GALNT15: variants seen among roughly 807,000 people sequenced by gnomAD.
GALNT15 encodes the protein UDP-GalNAc transferase T15.
GALNT15 carries 67 observed loss-of-function variants against 66.8 expected under a neutral mutation model. The ratio of observed to expected loss-of-function variants is 1.00; its 90% confidence interval spans 0.82 to 1.23. The LOEUF (loss-of-function observed/expected upper bound fraction) is 1.23. Among genes scored for constraint, GALNT15 ranks in the 50% most tolerant of loss-of-function variants. The pLI is 0.00. For synonymous variants in GALNT15, 313 were observed against 311.5 expected (o/e 1.00, Z -0.05); for missense variants, 827 against 804.3 (o/e 1.03, Z -0.34).
the GALNT15 span, among the ~76,000 whole-genome samples, chr3:16,245,956 G>C: frequency 6.6e-6 from 1 of 152,330 alleles, no homozygotes; most frequent in Non-Finnish European, 1.5e-5. Context: ...TTGAATGAAT[G>C]AACAGTAGAA....
Position 16,204,099 on chromosome 3 carries a change from G to C in GALNT15, c.911+3276G>C, listed in dbSNP as rs749917367. The stretch of plus-strand genomic sequence containing the variant: ...GAGTGGTGAGTGAACAGTGCAGTAA[G>C]CCACAAATCAGCTCTTTCAAAGAGC... On this transcript the variant is annotated intron_variant, in intron 3 of 9. Transcript: ENST00000339732. This position sits in a 1 kb window ranked among gnomAD's most constrained non-coding sequence, Gnocchi z 4.5. Among the ~76,000 whole-genome samples the C allele has an allele frequency of 7.9e-5, 12 of 151,794 alleles. No homozygotes were observed. The highest frequency in any genetic ancestry group is 1.2e-4 in the Non-Finnish European group (8 of 67,972).
the GALNT15 span, among the ~76,000 whole-genome samples, chr3:16,238,451 A>G: frequency 3.3e-5 from 5 of 151,236 alleles, no homozygotes; most frequent in Non-Finnish European, 7.4e-5. The surrounding 1 kb of genome is among the most constrained non-coding windows in gnomAD (Gnocchi z 4.8). Flanking sequence ...TACAATATTA[A>G]CAACATTAAT....
At position 16,219,021 on chromosome 3, in the gene GALNT15, G is replaced by A. The variant is rs2063911289; in HGVS notation, c.1393-382G>A. On this transcript the variant is annotated intron_variant, in intron 6 of 9. Coordinates refer to ENST00000339732, the MANE Select transcript of GALNT15 (RefSeq NM_054110.5). This position sits in a 1 kb window ranked among gnomAD's most constrained non-coding sequence, Gnocchi z 4.3. ...AGTAGAGATGGGGTTTCACCATGTT[G>A]GCCAGGCTGGTCTTGAACTCCTGAC... is the stretch of plus-strand genomic sequence containing the variant. 6.6e-6 allele frequency among the ~76,000 whole-genome samples: 1 copy of A among 151,902 alleles called. No individual in the cohort carries two copies. The highest frequency in any genetic ancestry group is 6.6e-5 in the Admixed American group (1 of 15,254).
intron 3 of GALNT15, among the ~76,000 whole-genome samples, chr3:16,206,557 C>T (rs1395258197): frequency 6.7e-6 from 1 of 150,260 alleles, no homozygotes; most frequent in African/African-American, 2.4e-5. Context: ...CCTGTAGTCC[C>T]AGCTACTTGG....
rs1045597719 is a variant in GALNT15 at position 16,203,537 on chromosome 3, T to A, written c.911+2714T>A. Among the ~76,000 whole-genome samples, 155 of 84,010 alleles carry A rather than the reference T, an allele frequency of 1.8e-3. No homozygotes were observed. Among genetic ancestry groups the A allele is most frequent in the African/African-American group, 6.2e-3 (148 of 23,982 alleles). The allele number at this position is 84,010 out of a possible 152,430, so 55.1% of individuals were successfully genotyped here. On this transcript the variant is annotated intron_variant, in intron 3 of 9. Coordinates refer to ENST00000339732, the MANE Select transcript of GALNT15 (RefSeq NM_054110.5). This position sits in a 1 kb window ranked among gnomAD's most constrained non-coding sequence, Gnocchi z 6.2. The stretch of plus-strand genomic sequence containing the variant: ...GTCACTCATTCTCTCTCTCTCTCTC[T>A]CTCTCTCACACACACACACACACAC...
rs955461275 is a variant in GALNT15 at position 16,186,187 on chromosome 3, A to G, written c.540-9573A>G. 2.6e-5 allele frequency among the ~76,000 whole-genome samples: 4 copies of G among 152,262 alleles called. No homozygotes were observed. Among genetic ancestry groups the G allele is most frequent in the African/African-American group, 9.6e-5 (4 of 41,474 alleles). ...AAGACATAAAAATGGTCAATAGCAC[A>G]CGAAAAGATGTTCAAATCATTAGTC... On this transcript the variant is annotated intron_variant, in intron 1 of 9. Transcript: ENST00000339732. This position sits in a 1 kb window ranked among gnomAD's most constrained non-coding sequence, Gnocchi z 5.1.
At chr3:16,223,783 C>T (rs1043727310) in intron 9 of GALNT15, among the ~76,000 whole-genome samples, 1 of 151,382 alleles carries the variant, frequency 6.6e-6, no homozygotes, top group East Asian at 2.0e-4. Flanking sequence ...GCCTCTGCCT[C>T]CCAGGTTCAA....
chr3:16,236,357 T>C (rs1279595500), downstream of GALNT15, among the ~76,000 whole-genome samples: 1 of 152,204 alleles, frequency 6.6e-6, no homozygotes, highest in East Asian at 1.9e-4. Flanking sequence ...CTGTTAACTC[T>C]GTTAACTACT....
chr3:16,231,350 A>G (rs2064080186), downstream of GALNT15, among the ~76,000 whole-genome samples: 1 of 152,136 alleles, frequency 6.6e-6, no homozygotes, highest in African/African-American at 2.4e-5. The surrounding 1 kb of genome is among the most constrained non-coding windows in gnomAD (Gnocchi z 4.1). Context: ...TCCAATCTCA[A>G]ATCTTCTTTC....
rs984180897 is a variant in GALNT15, at chr3:16,228,375, T to A, written c.*875T>A. 1 of 981,422 alleles carries A rather than the reference T, an allele frequency of 1.0e-6. No individual in the cohort carries two copies. Among genetic ancestry groups the A allele is most frequent in the Non-Finnish European group, 1.2e-6 (1 of 826,114 alleles). 60.8% of individuals were successfully genotyped at this position (981,422 alleles called of 1,614,324 possible). A position where few individuals can be genotyped will look rare whatever the true frequency, so the allele number is the denominator to read the frequency against. On this transcript the variant is annotated 3_prime_UTR_variant, in exon 10 of 10. Coordinates refer to ENST00000339732, the MANE Select transcript of GALNT15 (RefSeq NM_054110.5). The stretch of plus-strand genomic sequence containing the variant: ...AAACTCTCCTGCCGGGCGCGGTGGC[T>A]CATGCCTGTAATTCCAGCACTTTGG...
At chr3:16,237,542 T>A in the GALNT15 span, among the ~76,000 whole-genome samples, 1 of 152,198 alleles carries the variant, frequency 6.6e-6, no homozygotes, top group Non-Finnish European at 1.5e-5. The surrounding 1 kb of genome is among the most constrained non-coding windows in gnomAD (Gnocchi z 4.2). Flanking sequence ...CCAGCTATTA[T>A]CGTCTAGTGA....
At position 16,175,354 on chromosome 3, in the gene GALNT15, T is replaced by G. The variant is rs36026882; in HGVS notation, c.203T>G (p.Val68Gly). The change falls in exon 1 of 10, where the codon GTA becomes GGA. Residue 68 changes from valine (V) to glycine (G), a missense_variant. Val to Gly is a moderately radical substitution (Grantham distance 109, BLOSUM62 -3). Coordinates refer to ENST00000339732, the MANE Select transcript of GALNT15 (RefSeq NM_054110.5). The surrounding 1 kb of genome is among the most constrained non-coding windows in gnomAD (Gnocchi z 5.6). ...RLDFGESQDW[V>G]LEAEDEGEEY... ...GACTTTGGGGAATCCCAGGATTGGG[T>G]ACTGGAAGCTGAGGATGAGGGTGAA... The G allele has an allele frequency of 1.6e-3, 2,637 of 1,614,064 alleles. 39 individuals are homozygous for G. The African/African-American group carries it at 0.029, about 18-fold the overall frequency.
intron 9 of GALNT15, among the ~76,000 whole-genome samples, chr3:16,223,215 CA>C (rs2063966833): frequency 1.3e-5 from 2 of 151,982 alleles, no homozygotes; most frequent in African/African-American, 2.4e-5. Context: ...ATGCAAATTG[CA>C]CTGTAAGTAT....
rs2063386752 is a variant in GALNT15, at chr3:16,174,748, AC to A, written c.-401del. 1 of 194,650 alleles carries A rather than the reference AC, an allele frequency of 5.1e-6. No individual in the cohort carries two copies. Among genetic ancestry groups the A allele is most frequent in the East Asian group, 1.2e-4 (1 of 8,414 alleles). The allele number at this position is 194,650 out of a possible 1,614,324, so 12.1% of individuals were successfully genotyped here. A position where few individuals can be genotyped will look rare whatever the true frequency, so the allele number is the denominator to read the frequency against. ...GGCTGTCAGCCCTGCTTGACTGAGAACCCACCAGCTCATCCCAGACACCTCA... is the reference window on the plus strand; with the variant it reads ...GGCTGTCAGCCCTGCTTGACTGAGAACCACCAGCTCATCCCAGACACCTCA... On this transcript the variant is annotated 5_prime_UTR_variant, in exon 1 of 10. Transcript: ENST00000339732. The surrounding 1 kb of genome is among the most constrained non-coding windows in gnomAD (Gnocchi z 4.7).
At chr3:16,222,539 G>C in intron 8 of GALNT15, 76 bp from the exon 9 acceptor site, 2 of 1,573,342 alleles carry the variant, frequency 1.3e-6, no homozygotes, top group South Asian at 1.1e-5. Flanking sequence ...CTCTATAGTG[G>C]GTTCTTCTTA....
chr3:16,178,583 G>C (rs2063437261), intron 1 of GALNT15, among the ~76,000 whole-genome samples: 2 of 152,148 alleles, frequency 1.3e-5, no homozygotes, highest in Admixed American at 1.3e-4. Flanking sequence ...CCCCTCTCCA[G>C]TCTGCGGTTC....
In GALNT15 at chr3:16,200,953, G is replaced by T; in HGVS notation, c.911+130G>T. 1 of 658,916 alleles carries T rather than the reference G, an allele frequency of 1.5e-6. No individual in the cohort carries two copies. Among genetic ancestry groups the T allele is most frequent in the Non-Finnish European group, 2.4e-6 (1 of 420,256 alleles). The allele number at this position is 658,916 out of a possible 1,614,324, so 40.8% of individuals were successfully genotyped here. The stretch of plus-strand genomic sequence containing the variant: ...ATTAGAGAGTGATATATTCCCTTCG[G>T]GTTTTCAGATGTGTAAGTTTTTTAA... On this transcript the variant is annotated intron_variant, in intron 3 of 9. Coordinates refer to ENST00000339732, the MANE Select transcript of GALNT15 (RefSeq NM_054110.5). This position sits in a 1 kb window ranked among gnomAD's most constrained non-coding sequence, Gnocchi z 4.4.
chr3:16,195,817 C>T lies in GALNT15; in HGVS notation c.597C>T (p.Phe199=), dbSNP rs2063627185. The change falls in exon 2 of 10, where the codon TTC becomes TTT. Residue 199 remains phenylalanine, a synonymous_variant. Transcript: ENST00000339732. This position sits in a 1 kb window ranked among gnomAD's most constrained non-coding sequence, Gnocchi z 4.6. ...CCACAGCCAGCGTCATCCTCTGTTTCCATGATGAGGCCTGGTCCACTCTCC... is the reference window on the plus strand; with the variant it reads ...CCACAGCCAGCGTCATCCTCTGTTTTCATGATGAGGCCTGGTCCACTCTCC... ...SLPTASVILC[F]HDEAWSTLLR... is the part of the protein sequence containing the mutation. 6.2e-7 allele frequency: 1 copy of T among 1,613,896 alleles called. No homozygotes were observed. The highest frequency in any genetic ancestry group is 1.3e-5 in the African/African-American group (1 of 74,910).
the GALNT15 span, among the ~76,000 whole-genome samples, chr3:16,237,409 C>G: frequency 6.6e-6 from 1 of 152,236 alleles, no homozygotes. This position sits in a 1 kb window ranked among gnomAD's most constrained non-coding sequence, Gnocchi z 4.2. Flanking sequence ...ATATCCAAGG[C>G]TGGTTCCAGA....
Sources: gnomAD v4.1 joint callset for allele counts (sites outside exome capture counted in the v4.1 genomes callset) on GRCh38, gnomAD v4.1.1 for gene constraint, Gnocchi (gnomAD v3.1) non-coding constraint, MANE v1.5 for transcripts, NCBI Gene and HGNC (gene_info 2026-07-23, HGNC 2026-07-21) for gene names.